SLCO1A2: variants seen among roughly 807,000 people sequenced by gnomAD.
SLCO1A2 encodes the protein OATP-1.
In SLCO1A2, 67 loss-of-function variants were observed where a neutral mutation model predicts 69.0. That is an observed-to-expected ratio of 0.97 (90% confidence interval 0.80 to 1.19). The LOEUF is 1.19. Among genes scored for constraint, SLCO1A2 ranks in the 50% most tolerant of loss-of-function variants. SLCO1A2 has a pLI of 0.00. For missense variants in SLCO1A2, 787 were observed against 793.7 expected (o/e 0.99, Z 0.10); for synonymous variants, 260 against 265.9 (o/e 0.98, Z 0.22).
At chr12:21,319,316 T>A in intron 2 of SLCO1A2, 9 of 1,359,288 alleles carry the variant, frequency 6.6e-6, no homozygotes, top group Non-Finnish European at 8.9e-6. Flanking sequence ...AAAGACATTA[T>A]TTCGGTAGCA....
At chr12:21,272,715 A>G (rs190655812) in intron 14 of SLCO1A2, among the ~76,000 whole-genome samples, 120 of 152,250 alleles carry the variant, frequency 7.9e-4, no homozygotes, top group African/African-American at 2.6e-3. Context: ...AAAGTCCAAT[A>G]TAAAAATTAC....
At chr12:21,365,016 T>A (rs1355567750) in intron 2 of SLCO1A2, among the ~76,000 whole-genome samples, 1 of 152,142 alleles carries the variant, frequency 6.6e-6, no homozygotes, top group African/African-American at 2.4e-5. Flanking sequence ...AAGCTACCAA[T>A]GACTTTCTTC....
intron 1 of SLCO1A2, among the ~76,000 whole-genome samples, chr12:21,414,935 G>A (rs1021871092): frequency 1.3e-5 from 2 of 151,976 alleles, no homozygotes; most frequent in Non-Finnish European, 2.9e-5. Context: ...GTACCTTAAA[G>A]TCTATTTTAT....
At chr12:21,416,007 C>T (rs1271641447) in intron 1 of SLCO1A2, among the ~76,000 whole-genome samples, 1 of 152,204 alleles carries the variant, frequency 6.6e-6, no homozygotes, top group Non-Finnish European at 1.5e-5. Flanking sequence ...GTTCATTATG[C>T]AATTACTTTT....
intron 1 of SLCO1A2, among the ~76,000 whole-genome samples, chr12:21,394,564 C>G (rs1280695332): frequency 2.0e-5 from 3 of 150,630 alleles, no homozygotes; most frequent in African/African-American, 7.3e-5. Context: ...CGCACACACA[C>G]ACACACACAC....
At chr12:21,293,148 C>T (rs1241883177) in intron 11 of SLCO1A2, among the ~76,000 whole-genome samples, 1 of 152,010 alleles carries the variant, frequency 6.6e-6, no homozygotes, top group African/African-American at 2.4e-5. Flanking sequence ...ACTAAAAATA[C>T]AAAAATTACC....
chr12:21,283,973 A>C (rs971275613), intron 12 of SLCO1A2, among the ~76,000 whole-genome samples: 15 of 152,152 alleles, frequency 9.9e-5, no homozygotes, highest in Non-Finnish European at 1.0e-4. Flanking sequence ...GAATGTAAAT[A>C]AGTACAACTA....
intron 2 of SLCO1A2, among the ~76,000 whole-genome samples, chr12:21,356,194 G>A (rs1382582500): frequency 6.6e-6 from 1 of 151,934 alleles, no homozygotes; most frequent in Non-Finnish European, 1.5e-5. Context: ...ATTTTTAAAT[G>A]ATGGTTTATG....
chr12:21,273,711 G>A (rs2136082872), intron 14 of SLCO1A2, among the ~76,000 whole-genome samples: 1 of 152,222 alleles, frequency 6.6e-6, no homozygotes, highest in East Asian at 1.9e-4. Flanking sequence ...CATCACTCCT[G>A]GGGAGCTCTG....
chr12:21,283,545 T>G (rs767410734), intron 12 of SLCO1A2, among the ~76,000 whole-genome samples: 4 of 149,894 alleles, frequency 2.7e-5, no homozygotes, highest in Non-Finnish European at 5.9e-5. Flanking sequence ...CAGGCACAGA[T>G]AACTAATGAA....
Position 21,304,467 on chromosome 12 carries a change from TA to T in SLCO1A2, c.548del (p.Ile183LysfsTer17), listed in dbSNP as rs753412676. 1 of 1,612,954 alleles carries T rather than the reference TA, an allele frequency of 6.2e-7. No individual in the cohort carries two copies. The highest frequency in any genetic ancestry group is 8.5e-7 in the Non-Finnish European group (1 of 1,179,014). The part of the protein sequence containing the change: ...TPILPLGISY[I>X]EDFAKFENSP... ...AATTTTCAAATTTGGCAAAATCTTCTATATAGGAAATACCCAAAGGCAGGAT... is the reference window on the plus strand; with the variant it reads ...AATTTTCAAATTTGGCAAAATCTTCTTATAGGAAATACCCAAAGGCAGGAT... On this transcript the variant is annotated frameshift_variant, in exon 6 of 15. Coordinates refer to ENST00000683939, the MANE Select transcript of SLCO1A2 (RefSeq NM_001386879.1). LOFTEE classifies it high-confidence loss of function.
intron 12 of SLCO1A2, among the ~76,000 whole-genome samples, chr12:21,285,729 A>T (rs1443390223): frequency 6.7e-6 from 1 of 149,656 alleles, no homozygotes; most frequent in African/African-American, 2.5e-5. Flanking sequence ...AATGTAATCC[A>T]GCATATAAAC....
rs902350500 is a variant in SLCO1A2, at chr12:21,267,661, A to T, written c.*1887T>A. On this transcript the variant is annotated 3_prime_UTR_variant, in exon 15 of 15. Coordinates refer to ENST00000683939, the MANE Select transcript of SLCO1A2 (RefSeq NM_001386879.1). ...TTTGCTTCTTTTTAGCTCAGATTCC[A>T]GTTCAGAAATGAGCATTCTCTTCAC... 4.6e-5 allele frequency: 7 copies of T among 152,112 alleles called. No homozygotes were observed. Among genetic ancestry groups the T allele is most frequent in the Non-Finnish European group, 7.4e-5 (5 of 68,022 alleles). The allele number at this position is 152,112 out of a possible 1,614,324, so 9.4% of individuals were successfully genotyped here. A position where few individuals can be genotyped will look rare whatever the true frequency, so the allele number is the denominator to read the frequency against.
intron 12 of SLCO1A2, among the ~76,000 whole-genome samples, chr12:21,283,991 G>T (rs1301817387): frequency 1.3e-5 from 2 of 152,076 alleles, no homozygotes; most frequent in African/African-American, 2.4e-5. Flanking sequence ...CTACTATGCA[G>T]AACAGTTTGG....
intron 2 of SLCO1A2, among the ~76,000 whole-genome samples, chr12:21,363,470 A>T (rs899098186): frequency 9.2e-5 from 14 of 152,356 alleles, no homozygotes; most frequent in Non-Finnish European, 1.5e-4. Context: ...ACACCCTAAC[A>T]TCACAATTAA....
upstream of SLCO1A2, among the ~76,000 whole-genome samples, chr12:21,336,018 C>A (rs1388825171): frequency 1.3e-5 from 2 of 152,036 alleles, no homozygotes; most frequent in African/African-American, 2.4e-5. Context: ...TGGAATAGAA[C>A]CAGACAGTGT....
At chr12:21,394,238 G>C (rs1941305616) in intron 1 of SLCO1A2, among the ~76,000 whole-genome samples, 2 of 152,116 alleles carry the variant, frequency 1.3e-5, no homozygotes, top group South Asian at 4.1e-4. Context: ...TAGTGGCTCA[G>C]CAACAATATG....
chr12:21,358,042 C>A (rs369741234), intron 2 of SLCO1A2, among the ~76,000 whole-genome samples: 14 of 152,184 alleles, frequency 9.2e-5, no homozygotes, highest in African/African-American at 3.4e-4. Flanking sequence ...GGTCTCCTGT[C>A]TCTTTTCAAA....
At chr12:21,327,405 C>G (rs1952319624) in intron 2 of SLCO1A2, among the ~76,000 whole-genome samples, 1 of 152,176 alleles carries the variant, frequency 6.6e-6, no homozygotes, top group South Asian at 2.1e-4. Context: ...GGGCCACCAT[C>G]CTCCAGATCC....
Sources: gnomAD v4.1 joint callset for allele counts (sites outside exome capture counted in the v4.1 genomes callset) on GRCh38, gnomAD v4.1.1 for gene constraint, MANE v1.5 for transcripts, NCBI Gene and HGNC (gene_info 2026-07-23, HGNC 2026-07-21) for gene names.